The following N4BP1 variants were observed in gnomAD, a reference collection of about 807,000 sequenced individuals.
N4BP1 encodes the protein NEDD4-binding protein 1.
Under a neutral mutation model 70.9 loss-of-function variants are expected in N4BP1, and 21 were observed. The ratio of observed to expected loss-of-function variants is 0.30; its 90% CI spans 0.21 to 0.43. The LOEUF is 0.43. Among genes scored for constraint, N4BP1 ranks in the 20% least tolerant of loss-of-function variants. The pLI, the probability that N4BP1 is intolerant of heterozygous loss-of-function variation, is 1.00. For missense variants in N4BP1, 936 were observed against 1,069.4 expected (o/e 0.88, Z 1.74); for synonymous variants, 387 against 394.6 (o/e 0.98, Z 0.23).
intron 2 of N4BP1, among the ~76,000 whole-genome samples, chr16:48,554,262 G>A (rs1336939638): frequency 6.6e-6 from 1 of 152,018 alleles, no homozygotes; most frequent in Non-Finnish European, 1.5e-5. Flanking sequence ...TCTGTTAAGA[G>A]CCACACAGTC....
At position 48,553,151 on chromosome 16, in the gene N4BP1, T is replaced by C. The variant is rs367850293; in HGVS notation, c.2020+388A>G. ...CTTTATGGTTAACGGAAATGATTTA[T>C]ATTAAGCCTTAAATAGACTGTTAAA... On this transcript the variant is annotated intron_variant, in intron 3 of 6. Coordinates refer to ENST00000262384, the MANE Select transcript of N4BP1 (RefSeq NM_153029.4). 1.2e-3 allele frequency among the ~76,000 whole-genome samples: 185 copies of C among 152,356 alleles called. 3 individuals are homozygous for C. The South Asian group carries it at 0.037, about 31-fold the overall frequency.
intron 1 of N4BP1, among the ~76,000 whole-genome samples, chr16:48,575,915 C>T (rs1219970950): frequency 6.6e-6 from 1 of 152,176 alleles, no homozygotes; most frequent in African/African-American, 2.4e-5. Context: ...ATGTTCAAGT[C>T]AACCACAAGT....
chr16:48,606,276 C>G (rs1169978115), intron 1 of N4BP1, among the ~76,000 whole-genome samples: 1 of 152,138 alleles, frequency 6.6e-6, no homozygotes, highest in Non-Finnish European at 1.5e-5. Flanking sequence ...AACCTTACCA[C>G]CCCCTACCCC....
rs1963887588 is a variant in N4BP1 at position 48,563,317 on chromosome 16, T to C, written c.199-873A>G. Among the ~76,000 whole-genome samples the C allele has an allele frequency of 2.0e-5, 3 of 151,978 alleles. No homozygotes were observed. The South Asian group carries it at 6.2e-4, about 31-fold the overall frequency. On this transcript the variant is annotated intron_variant, in intron 1 of 6. Coordinates refer to ENST00000262384, the MANE Select transcript of N4BP1 (RefSeq NM_153029.4). ...CTGCAGTAAGCTGAGATCATGTCAC[T>C]GCATTCCAGCCTGGGCCAAAGAGCG...
At position 48,591,101 on chromosome 16, in the gene N4BP1, G is replaced by C. The variant is rs75683953; in HGVS notation, c.198+18674C>G. 7.2e-3 allele frequency among the ~76,000 whole-genome samples: 1,089 copies of C among 152,274 alleles called. 19 individuals carry two copies. The highest frequency in any genetic ancestry group is 0.025 in the African/African-American group (1,038 of 41,534). On this transcript the variant is annotated intron_variant, in intron 1 of 6. Transcript: ENST00000262384. ...TGACAAAAGTCAAAAATTATCTTGAGCAATTAAAAGCCTTTGCAAGCTTGA... is the reference window on the plus strand; with the variant it reads ...TGACAAAAGTCAAAAATTATCTTGACCAATTAAAAGCCTTTGCAAGCTTGA...
chr16:48,605,794 C>T lies in N4BP1; in HGVS notation c.198+3981G>A, dbSNP rs111473106. Among the ~76,000 whole-genome samples, 817 of 152,282 alleles carry T rather than the reference C, an allele frequency of 5.4e-3. 2 individuals carry two copies. Among genetic ancestry groups the T allele is most frequent in the Non-Finnish European group, 9.1e-3 (619 of 68,028 alleles). On this transcript the variant is annotated intron_variant, in intron 1 of 6. Transcript: ENST00000262384. ...TTCTCATGTCCCCCTAACTCTTCCA[C>T]GACTCTCCACTGACTACTTGCAGGT...
At chr16:48,607,305 G>A (rs1216661887) in intron 1 of N4BP1, among the ~76,000 whole-genome samples, 2 of 152,236 alleles carry the variant, frequency 1.3e-5, no homozygotes, top group Non-Finnish European at 2.9e-5. Context: ...CTTGCGATGA[G>A]TCTTGAGCAA....
intron 1 of N4BP1, among the ~76,000 whole-genome samples, chr16:48,576,551 A>G (rs1449847456): frequency 1.3e-5 from 2 of 151,854 alleles, no homozygotes; most frequent in East Asian, 3.9e-4. Flanking sequence ...TTTTTTCTTC[A>G]CTCTTATCCA....
Position 48,543,112 on chromosome 16 carries a change from G to C in N4BP1, c.2483C>G (p.Pro828Arg). The C allele has an allele frequency of 3.7e-6, 6 of 1,612,406 alleles. No homozygotes were observed. The highest frequency in any genetic ancestry group is 5.1e-6 in the Non-Finnish European group (6 of 1,178,556). ...GAGGGCTGGCAGCAGTGGGAAGTGG[G>C]GCTGCTGAGGGAGCCAGTGGCTTGA... Reference protein sequence around the residue: ...APSSHWLPQQPHFPLLPALPS... With the variant: ...APSSHWLPQQRHFPLLPALPS... The change falls in exon 7 of 7, where the codon CCC (proline) becomes CGC (arginine). Residue 828 changes from proline to arginine, a missense_variant. Coordinates refer to ENST00000262384, the MANE Select transcript of N4BP1 (RefSeq NM_153029.4).
At position 48,540,941 on chromosome 16, in the gene N4BP1, T is replaced by C. The variant is rs1195870115; in HGVS notation, c.*1963A>G. On this transcript the variant is annotated 3_prime_UTR_variant, in exon 7 of 7. Coordinates refer to ENST00000262384, the MANE Select transcript of N4BP1 (RefSeq NM_153029.4). ...ACTGATGAAGGCAACCAATGAGCAA[T>C]CCTTCCTTCCCATAGCCGAGAAAGG... 6.6e-6 allele frequency: 1 copy of C among 152,184 alleles called. No homozygotes were observed. The highest frequency in any genetic ancestry group is 1.5e-5 in the Non-Finnish European group (1 of 68,038). The allele number at this position is 152,184 out of a possible 1,614,324, so 9.4% of individuals were successfully genotyped here. A position where few individuals can be genotyped will look rare whatever the true frequency, so the allele number is the denominator to read the frequency against.
chr16:48,548,338 TTTC>T (rs1963618263), intron 4 of N4BP1, among the ~76,000 whole-genome samples: 1 of 152,248 alleles, frequency 6.6e-6, no homozygotes, highest in Non-Finnish European at 1.5e-5. Context: ...TTTCATACAA[TTTC>T]TTTTGTTAAA....
At chr16:48,599,735 C>T (rs1964469291) in intron 1 of N4BP1, among the ~76,000 whole-genome samples, 1 of 152,200 alleles carries the variant, frequency 6.6e-6, no homozygotes, top group Non-Finnish European at 1.5e-5. Flanking sequence ...TGCTTTACTA[C>T]TAGTGGTCAC....
At chr16:48,608,296 C>T (rs897196871) in intron 1 of N4BP1, among the ~76,000 whole-genome samples, 1 of 152,130 alleles carries the variant, frequency 6.6e-6, no homozygotes. Flanking sequence ...AGCCACCGCG[C>T]CCGGCCTACA....
chr16:48,557,118 G>C (rs1443704581), intron 2 of N4BP1, among the ~76,000 whole-genome samples: 1 of 152,154 alleles, frequency 6.6e-6, no homozygotes, highest in Non-Finnish European at 1.5e-5. Context: ...ATGGGCTGCA[G>C]ACCTCATTCT....
intron 1 of N4BP1, among the ~76,000 whole-genome samples, chr16:48,586,676 T>G (rs1964250325): frequency 6.6e-6 from 1 of 152,198 alleles, no homozygotes; most frequent in Admixed American, 6.5e-5. Flanking sequence ...CTAAACTATC[T>G]CTGGAGGTTC....
intron 1 of N4BP1, among the ~76,000 whole-genome samples, chr16:48,591,391 G>A (rs1218054265): frequency 6.7e-6 from 1 of 149,214 alleles, no homozygotes; most frequent in Non-Finnish European, 1.5e-5. Context: ...GTAAAAAGAA[G>A]CTGCTTACCA....
intron 5 of N4BP1, among the ~76,000 whole-genome samples, chr16:48,547,514 T>C (rs1233152174): frequency 6.6e-6 from 1 of 152,250 alleles, no homozygotes; most frequent in African/African-American, 2.4e-5. Context: ...TATTAAACTA[T>C]GACTGTAAAA....
intron 1 of N4BP1, among the ~76,000 whole-genome samples, chr16:48,569,198 A>G (rs935986239): frequency 6.6e-6 from 1 of 152,204 alleles, no homozygotes; most frequent in East Asian, 1.9e-4. Flanking sequence ...TTTATATGCC[A>G]ATTTTGAATT....
At chr16:48,564,661 C>T (rs567347043) in intron 1 of N4BP1, among the ~76,000 whole-genome samples, 1 of 152,264 alleles carries the variant, frequency 6.6e-6, no homozygotes, top group South Asian at 2.1e-4. Context: ...TTCCCATACA[C>T]ATTTTAGAAT....
Sources: allele counts gnomAD v4.1 joint callset (sites outside exome capture counted in the v4.1 genomes callset), GRCh38; gene constraint gnomAD v4.1.1; transcripts MANE v1.5; gene names NCBI Gene and HGNC (gene_info 2026-07-23, HGNC 2026-07-21).